Variants in B4GALT1 observed in about 807,000 individuals in gnomAD.
B4GALT1 encodes beta-1,4-galactosyltransferase 1, also known as N-acetyllactosamine synthase.
B4GALT1 carries 16 observed loss-of-function variants against 34.9 expected under a neutral mutation model. That is an observed-to-expected ratio of 0.46 (90% CI 0.31 to 0.70). The LOEUF (loss-of-function observed/expected upper bound fraction) is 0.70. Among genes scored for constraint, B4GALT1 ranks in the 30% least tolerant of loss-of-function variants. The pLI is 0.05. For synonymous variants in B4GALT1, 221 were observed against 218.1 expected (o/e 1.01, Z -0.12); for missense variants, 445 against 530.5 (o/e 0.84, Z 1.58).
chr9:33,163,898 C>T (rs1425795449), intron 1 of B4GALT1, among the ~76,000 whole-genome samples: 2 of 152,188 alleles, frequency 1.3e-5, no homozygotes, highest in Non-Finnish European at 2.9e-5. Flanking sequence ...CTTCCCACTG[C>T]ATCACTCACT....
upstream of B4GALT1, among the ~76,000 whole-genome samples, chr9:33,168,374 A>C (rs1840803611): frequency 6.6e-6 from 1 of 152,152 alleles, no homozygotes; most frequent in South Asian, 2.1e-4. Context: ...GAGACACCTC[A>C]CCCCAGAGAA....
Position 33,120,550 on chromosome 9 carries a change from G to C in B4GALT1, c.705C>G (p.Ala235=), listed in dbSNP as rs1438900972. The change falls in exon 3 of 6, where the codon GCC becomes GCG. Residue 235 remains alanine (A), a synonymous_variant. Coordinates refer to ENST00000379731, the MANE Select transcript of B4GALT1 (RefSeq NM_001497.4). ...AKLLNVGFQE[A]LKDYDYTCFV... is the part of the protein sequence containing the mutation. ...AGCAGGTGTAGTCATAGTCCTTCAA[G>C]GCTTCTTGAAAGCCAACATTGAGGA... is the stretch of plus-strand genomic sequence containing the variant. The C allele has an allele frequency of 6.2e-7, 1 of 1,614,192 alleles. No individual in the cohort carries two copies. Among genetic ancestry groups the C allele is most frequent in the East Asian group, 2.2e-5 (1 of 44,894 alleles).
intron 1 of B4GALT1, among the ~76,000 whole-genome samples, chr9:33,146,217 C>T (rs945768634): frequency 6.6e-6 from 1 of 152,250 alleles, no homozygotes; most frequent in African/African-American, 2.4e-5. Context: ...CTCCTTCTCA[C>T]TCCTTCCGCT....
chr9:33,110,815 CCGTCAT>C lies in B4GALT1; in HGVS notation c.*2633_*2638del, dbSNP rs1839845800. ...ACAACAGGTCTCTGGGACATGAAAG[CCGTCAT>C]CCTGGCTATGCAGAGCCCCCGCCCC... On this transcript the variant is annotated 3_prime_UTR_variant, in exon 6 of 6. Transcript: ENST00000379731. 6.6e-6 allele frequency: 1 copy of C among 152,218 alleles called. No homozygotes were observed. The highest frequency in any genetic ancestry group is 2.1e-4 in the South Asian group (1 of 4,830). The allele number at this position is 152,218 out of a possible 1,614,324, so 9.4% of individuals were successfully genotyped here. A position where few individuals can be genotyped will look rare whatever the true frequency, so the allele number is the denominator to read the frequency against.
At chr9:33,175,002 T>TAC in the B4GALT1 span, among the ~76,000 whole-genome samples, 1 of 52,126 alleles carries the variant, frequency 1.9e-5, no homozygotes, top group African/African-American at 6.2e-5. Flanking sequence ...TATATATATA[T>TAC]ATATATATAT....
chr9:33,147,980 G>A (rs776637882), intron 1 of B4GALT1, among the ~76,000 whole-genome samples: 2 of 151,992 alleles, frequency 1.3e-5, no homozygotes, highest in Non-Finnish European at 2.9e-5. Flanking sequence ...GCCACAATGA[G>A]TCATGATCAT....
downstream of B4GALT1, among the ~76,000 whole-genome samples, chr9:33,106,136 A>G (rs1313011955): frequency 3.3e-5 from 5 of 152,108 alleles, no homozygotes; most frequent in Non-Finnish European, 5.9e-5. Context: ...ACAATGACTA[A>G]CATCAGATCC....
intron 1 of B4GALT1, among the ~76,000 whole-genome samples, chr9:33,157,091 C>T (rs1840605266): frequency 7.3e-6 from 1 of 136,604 alleles, no homozygotes; most frequent in Non-Finnish European, 1.6e-5. Context: ...CACACACACA[C>T]ACACACACAC....
At chr9:33,104,524 G>A (rs1352993074) in exon 3 of B4GALT1, 2 of 336,300 alleles carry the variant, frequency 5.9e-6, no homozygotes, top group Non-Finnish European at 1.2e-5. Context: ...ACTCCTTAGG[G>A]GAGGACAGCA....
At chr9:33,176,171 TC>T in the B4GALT1 span, among the ~76,000 whole-genome samples, 1 of 152,204 alleles carries the variant, frequency 6.6e-6, no homozygotes, top group African/African-American at 2.4e-5. Context: ...GAGTCATTCC[TC>T]CTTTTCCAAA....
intron 2 of B4GALT1, among the ~76,000 whole-genome samples, chr9:33,134,680 G>A (rs559852418): frequency 1.4e-4 from 22 of 152,246 alleles, no homozygotes; most frequent in Admixed American, 3.3e-4. Flanking sequence ...GATGGCCCAC[G>A]AATCAGACTT....
At chr9:33,138,280 TC>T (rs1420558943) in intron 1 of B4GALT1, among the ~76,000 whole-genome samples, 1 of 152,122 alleles carries the variant, frequency 6.6e-6, no homozygotes, top group East Asian at 1.9e-4. Flanking sequence ...TTCCAGATGA[TC>T]TTTGGTATCC....
At chr9:33,132,340 C>T (rs1405090272) in intron 2 of B4GALT1, among the ~76,000 whole-genome samples, 1 of 152,162 alleles carries the variant, frequency 6.6e-6, no homozygotes, top group Non-Finnish European at 1.5e-5. Flanking sequence ...ACTCACAAAA[C>T]ACTCATCACT....
Position 33,113,335 on chromosome 9 carries a change from G to T in B4GALT1, c.*119C>A. ...ATCTGGAAAGCCATCTGAATGATGA[G>T]CGAAGGGGACCTGTCACTCAGACTG... On this transcript the variant is annotated 3_prime_UTR_variant, in exon 6 of 6. Transcript: ENST00000379731. 1 of 1,478,252 alleles carries T rather than the reference G, an allele frequency of 6.8e-7. No individual in the cohort carries two copies. The highest frequency in any genetic ancestry group is 9.4e-7 in the Non-Finnish European group (1 of 1,059,464). 91.6% of individuals were successfully genotyped at this position (1,478,252 alleles called of 1,614,324 possible).
chr9:33,131,855 TTTCAGGG>T (rs1295283161), intron 2 of B4GALT1, among the ~76,000 whole-genome samples: 7 of 152,250 alleles, frequency 4.6e-5, no homozygotes, highest in Non-Finnish European at 8.8e-5. Flanking sequence ...ACCTCTTTTT[TTTCAGGG>T]TTCAGGTTTC....
chr9:33,116,124 A>T lies in B4GALT1; in HGVS notation c.837-11T>A. On this transcript the variant is annotated splice_polypyrimidine_tract_variant and intron_variant, in intron 3 of 5. Transcript: ENST00000379731. Reference sequence around the variant, plus strand: ...TGAACATAAGGTAGGCTGGAGGAAAAACATACACACAGAAGGAGCAGTGGT... The same window carrying T: ...TGAACATAAGGTAGGCTGGAGGAAATACATACACACAGAAGGAGCAGTGGT... The T allele has an allele frequency of 6.2e-7, 1 of 1,612,102 alleles. No homozygotes were observed. Among genetic ancestry groups the T allele is most frequent in the South Asian group, 1.1e-5 (1 of 90,910 alleles).
chr9:33,105,885 T>G (rs1236589111), downstream of B4GALT1, among the ~76,000 whole-genome samples: 1 of 146,540 alleles, frequency 6.8e-6, no homozygotes, highest in East Asian at 2.0e-4. Flanking sequence ...CGTGGGTTTT[T>G]TTTTTTTTTT....
At chr9:33,141,062 T>C (rs1035982258) in intron 1 of B4GALT1, among the ~76,000 whole-genome samples, 22 of 152,228 alleles carry the variant, frequency 1.4e-4, no homozygotes, top group African/African-American at 5.3e-4. Flanking sequence ...GGTTGGTTCT[T>C]AAGCATTTCA....
intron 2 of B4GALT1, among the ~76,000 whole-genome samples, chr9:33,127,880 C>A (rs1429438091): frequency 6.6e-6 from 1 of 152,250 alleles, no homozygotes; most frequent in Non-Finnish European, 1.5e-5. Flanking sequence ...TGGCTTCCAG[C>A]AACCTCAGCA....
Sources: gnomAD v4.1 joint callset for allele counts (sites outside exome capture counted in the v4.1 genomes callset) on GRCh38, gnomAD v4.1.1 for gene constraint, MANE v1.5 for transcripts, NCBI Gene and HGNC (gene_info 2026-07-23, HGNC 2026-07-21) for gene names.